The following DLC1 variants were observed in gnomAD, a reference collection of about 807,000 sequenced individuals.
The protein encoded by DLC1 is rho GTPase-activating protein 7.
In DLC1, 54 loss-of-function variants were observed where a neutral mutation model predicts 140.3. The ratio of observed to expected loss-of-function variants is 0.38; its 90% CI spans 0.31 to 0.48. DLC1 has a LOEUF of 0.48. DLC1 is among the 20% of genes least tolerant of loss of function. DLC1 has a pLI of 0.96. For missense variants in DLC1, 2,536 were observed against 1,907.0 expected (o/e 1.33, Z -6.14); for synonymous variants, 986 against 728.1 (o/e 1.35, Z -5.70).
chr8:13,396,389 A>G (rs7842439), intron 3 of DLC1, among the ~76,000 whole-genome samples: 32,255 of 152,118 alleles, frequency 0.21, 4,052 homozygotes, highest in Admixed American at 0.27. Context: ...TGATTTGATT[A>G]GATAAATAAC....
At chr8:13,086,075 T>A in intron 17 of DLC1, 144 bp from the exon 18 acceptor site, 2 of 1,410,154 alleles carry the variant, frequency 1.4e-6, no homozygotes, top group East Asian at 2.5e-5. Context: ...CTACCATATT[T>A]GCTTTGCTTT....
At chr8:13,561,216 G>A (rs916159886) in intron 1 of DLC1, among the ~76,000 whole-genome samples, 1 of 150,538 alleles carries the variant, frequency 6.6e-6, no homozygotes, top group Non-Finnish European at 1.5e-5. Flanking sequence ...TCGTACTTCT[G>A]ACCAGCAATC....
rs1382061083 is a variant in DLC1 at position 13,100,700 on chromosome 8, C to T, written c.1637G>A (p.Arg546Lys). Residue 546 changes from arginine (R) to lysine (K), a missense_variant, in exon 9 of 18, where the codon AGG becomes AAG. Coordinates refer to ENST00000276297, the MANE Select transcript of DLC1 (RefSeq NM_182643.3). ...GKWTFQRDSK[R>K]WSRLEEFDVF... is the part of the protein sequence containing the mutation. ...ATCAAACTCTTCAAGCCGGGACCAC[C>T]TCTTGCTGTCCCTTTGGAAAGTCCA... 3 of 1,611,578 alleles carry T rather than the reference C, an allele frequency of 1.9e-6. No homozygotes were observed. The highest frequency in any genetic ancestry group is 1.7e-5 in the Admixed American group (1 of 59,524).
chr8:13,314,010 G>A (rs1435338895), intron 4 of DLC1, among the ~76,000 whole-genome samples: 2 of 151,910 alleles, frequency 1.3e-5, no homozygotes, highest in Non-Finnish European at 2.9e-5. Flanking sequence ...AGGACCTGAG[G>A]GCATAAGTGG....
rs762330691 is a variant in DLC1 at position 13,092,751 on chromosome 8, G to T, written c.3601C>A (p.Leu1201Met). 56 of 1,614,040 alleles carry T rather than the reference G, an allele frequency of 3.5e-5. No homozygotes were observed. The highest frequency in any genetic ancestry group is 4.6e-5 in the Non-Finnish European group (54 of 1,180,038). ...MLLPDENREVLQTLLYFLSDV... is the reference protein window; with the variant it reads ...MLLPDENREVMQTLLYFLSDV... ...CTCAGGAAATAAAGCAGGGTCTGCA[G>T]AACCTCCCGGTTCTCGTCAGGCAGC... The change falls in exon 13 of 18, where the codon CTG (leucine) becomes ATG (methionine). Residue 1201 changes from leucine to methionine, a missense_variant. Transcript: ENST00000276297.
intron 1 of DLC1, among the ~76,000 whole-genome samples, chr8:13,590,960 G>T (rs1490677837): frequency 6.6e-6 from 1 of 151,830 alleles, no homozygotes; most frequent in Non-Finnish European, 1.5e-5. Context: ...TTACAAATTT[G>T]GCCAATATTT....
chr8:13,441,398 A>G (rs533071981), intron 2 of DLC1, among the ~76,000 whole-genome samples: 35 of 152,344 alleles, frequency 2.3e-4, no homozygotes, highest in African/African-American at 8.4e-4. Context: ...GTATTCAATT[A>G]GGAAAAGAGG....
chr8:13,430,575 C>A (rs417900), intron 2 of DLC1, among the ~76,000 whole-genome samples: 4,883 of 152,082 alleles, frequency 0.032, 253 homozygotes, highest in African/African-American at 0.11. Flanking sequence ...CTTTTTTCTG[C>A]AGTACTTTTG....
At chr8:13,591,476 T>G (rs888767129) in intron 1 of DLC1, among the ~76,000 whole-genome samples, 1 of 152,082 alleles carries the variant, frequency 6.6e-6, no homozygotes, top group African/African-American at 2.4e-5. Flanking sequence ...CATGTTTGCT[T>G]CCCCTTCCAA....
In DLC1 at chr8:13,426,815, T is replaced by C. The variant is rs1013494846; in HGVS notation, c.1024-25196A>G. Among the ~76,000 whole-genome samples the C allele has an allele frequency of 2.0e-5, 3 of 152,318 alleles. No homozygotes were observed. In the East Asian group the frequency reaches 5.8e-4, roughly 29 times the overall value. The stretch of plus-strand genomic sequence containing the variant: ...TTTCCTTCTCTTCTTTAAAATTGCC[T>C]ACATTTGTCTCTCATCCTAGGAGAT... On this transcript the variant is annotated intron_variant, in intron 2 of 17. Transcript: ENST00000276297.
At chr8:13,438,561 G>A (rs973474372) in intron 2 of DLC1, among the ~76,000 whole-genome samples, 1 of 152,014 alleles carries the variant, frequency 6.6e-6, no homozygotes, top group South Asian at 2.1e-4. Flanking sequence ...CGATCTGGCC[G>A]TGTCCCTAAG....
At chr8:13,146,205 G>T (rs1823424536) in intron 5 of DLC1, among the ~76,000 whole-genome samples, 1 of 151,618 alleles carries the variant, frequency 6.6e-6, no homozygotes, top group African/African-American at 2.4e-5. Context: ...AACCCGGGAG[G>T]TGGAGGCCGA....
chr8:13,405,844 CCCT>C (rs1837503873), intron 2 of DLC1, among the ~76,000 whole-genome samples: 1 of 149,626 alleles, frequency 6.7e-6, no homozygotes, highest in Admixed American at 6.7e-5. Flanking sequence ...CTCCCTCCCT[CCCT>C]TTCTGTCTTT....
At chr8:13,570,528 G>C (rs1479077691) in intron 1 of DLC1, among the ~76,000 whole-genome samples, 1 of 136,294 alleles carries the variant, frequency 7.3e-6, no homozygotes, top group Non-Finnish European at 1.5e-5. Context: ...TCCCACCTAT[G>C]AGTGAGAATA....
rs373968143 is a variant in DLC1, at chr8:13,463,163, G to C, written c.1023+35886C>G. On this transcript the variant is annotated intron_variant, in intron 2 of 17. Transcript: ENST00000276297. ...TTTTTTATCTGGTTGCCGGCATTTAGGGAACTACACAACAGACTTACCTAT... is the reference window on the plus strand; with the variant it reads ...TTTTTTATCTGGTTGCCGGCATTTACGGAACTACACAACAGACTTACCTAT... 5.3e-5 allele frequency among the ~76,000 whole-genome samples: 8 copies of C among 151,888 alleles called. No homozygotes were observed. In the East Asian group the frequency reaches 1.4e-3, roughly 26 times the overall value.
At chr8:13,523,977 G>A (rs530021116) in intron 1 of DLC1, among the ~76,000 whole-genome samples, 2 of 151,466 alleles carry the variant, frequency 1.3e-5, no homozygotes, top group African/African-American at 4.8e-5. Context: ...AGAGGGGATG[G>A]GATCTAATGC....
chr8:13,446,902 A>G (rs1032350160), intron 2 of DLC1, among the ~76,000 whole-genome samples: 1 of 151,868 alleles, frequency 6.6e-6, no homozygotes, highest in Non-Finnish European at 1.5e-5. Flanking sequence ...AGATCGCGCC[A>G]TTGTACTTCA....
rs756656863 is a variant in DLC1, at chr8:13,239,004, G to A, written c.1348+66265C>T. Among the ~76,000 whole-genome samples the A allele has an allele frequency of 5.3e-5, 8 of 152,226 alleles. No homozygotes were observed. The East Asian group carries it at 7.7e-4, about 15-fold the overall frequency. ...TAGCTGGAAAGCTGAAACAAAACTC[G>A]GCAGTGTGATGTGATTTGGAAGTCA... On this transcript the variant is annotated intron_variant, in intron 5 of 17. Coordinates refer to ENST00000276297, the MANE Select transcript of DLC1 (RefSeq NM_182643.3).
chr8:13,309,013 C>A (rs1341741715), intron 4 of DLC1, among the ~76,000 whole-genome samples: 1 of 152,132 alleles, frequency 6.6e-6, no homozygotes, highest in Non-Finnish European at 1.5e-5. Flanking sequence ...GGAACTAAAA[C>A]ACCGAATGCC....
Sources: allele counts gnomAD v4.1 joint callset (sites outside exome capture counted in the v4.1 genomes callset), GRCh38; gene constraint gnomAD v4.1.1; transcripts MANE v1.5; gene names NCBI Gene and HGNC (gene_info 2026-07-23, HGNC 2026-07-21).